Variants in C17orf58 observed in about 807,000 individuals in gnomAD.
The protein encoded by C17orf58 is chromosome 17 open reading frame 58.
In C17orf58, 5 loss-of-function variants were observed where a neutral mutation model predicts 7.4. The ratio of observed to expected loss-of-function variants is 0.67; its 90% CI spans 0.35 to 1.42. C17orf58 has a LOEUF of 1.42. Ranked by LOEUF, C17orf58 falls within the 40% of genes most tolerant of loss-of-function variation. The probability of loss-of-function intolerance (pLI) is 0.04; values close to 1 mark genes in which losing one functional copy is unlikely to be tolerated. For missense variants in C17orf58, 162 were observed against 174.2 expected, an observed-to-expected ratio of 0.93 and a Z score of 0.40; for synonymous variants, 60 against 70.6, an observed-to-expected ratio of 0.85 and a Z score of 0.75.
intron 3 of C17orf58, 181 bp downstream of exon 3, chr17:67,992,863 C>T (rs777605198): frequency 6.3e-7 from 1 of 1,596,786 alleles, no homozygotes; most frequent in Non-Finnish European, 8.5e-7. Context: ...AGGGTGGGGG[C>T]TGACAGGGCT....
In C17orf58 at chr17:67,993,789, C is replaced by G. The variant is rs1252378154; in HGVS notation, c.272G>C (p.Arg91Pro). The change falls in exon 2 of 4, where the codon CGG (arginine) becomes CCG (proline). Residue 91 changes from arginine (R) to proline (P), a missense_variant. Arg to Pro is a moderately radical substitution (Grantham distance 103, BLOSUM62 -2). Around this residue, in one of 3 missense-constraint regions of C17orf58, gnomAD observed 93 missense variants for 90.4 expected, o/e 1.03. Transcript: ENST00000580729. The surrounding 1 kb of genome is among the most constrained non-coding windows in gnomAD (Gnocchi z 5.1). ...PPPADNQASF[R>P]EAARAPAGPP... ...GCCAGCGGGCGCGCGTGCGGCCTCC[C>G]GGAAGCTGGCCTGGTTGTCGGCCGG... The G allele has an allele frequency of 3.2e-5, 7 of 218,516 alleles. No homozygotes were observed. Among genetic ancestry groups the G allele is most frequent in the Non-Finnish European group, 6.1e-5 (7 of 115,136 alleles). 13.5% of individuals were successfully genotyped at this position (218,516 alleles called of 1,614,324 possible). A position where few individuals can be genotyped will look rare whatever the true frequency, so the allele number is the denominator to read the frequency against.
At chr17:67,995,261 G>A (rs1411802981) in intron 1 of C17orf58, among the ~76,000 whole-genome samples, 1 of 152,194 alleles carries the variant, frequency 6.6e-6, no homozygotes. Flanking sequence ...TTGTTAAACG[G>A]TTGTGCCATG....
At position 67,992,074 on chromosome 17, in the gene C17orf58, A is replaced by G. The variant is rs781888631; in HGVS notation, c.859T>C (p.Tyr287His). The change falls in exon 4 of 4, where the codon TAC (tyrosine) becomes CAC (histidine). Residue 287 changes from tyrosine (Y) to histidine (H), a missense_variant. Tyr to His is a moderately conservative substitution (Grantham distance 83, BLOSUM62 2). Around this residue, in one of 3 missense-constraint regions of C17orf58, gnomAD observed 65 missense variants for 66.4 expected, o/e 0.98. Transcript: ENST00000580729. ...GTAGGGAGCTGCCGTCTCTTATGGT[A>G]GATGTGGCCCATCACAATATACCTG... ...GSRYIVMGHI[Y>H]HKRRQLPTAL... 13 of 1,602,222 alleles carry G rather than the reference A, an allele frequency of 8.1e-6. 1 individual carries two copies. The South Asian group carries it at 1.5e-4, about 18-fold the overall frequency.
intron 1 of C17orf58, among the ~76,000 whole-genome samples, chr17:67,995,125 A>C (rs1464858964): frequency 6.6e-6 from 1 of 152,208 alleles, no homozygotes; most frequent in African/African-American, 2.4e-5. Flanking sequence ...CAGCTCTGGC[A>C]ACACTTCATT....
rs1427149684 is a variant in C17orf58 at position 67,993,785 on chromosome 17, C to T, written c.276G>A (p.Glu92=). The T allele has an allele frequency of 4.5e-3, 937 of 208,096 alleles. 5 individuals carry two copies. The highest frequency in any genetic ancestry group is 4.6e-3 in the Non-Finnish European group (496 of 108,058). The allele number at this position is 208,096 out of a possible 1,614,324, so 12.9% of individuals were successfully genotyped here. ...GCGGGCCAGCGGGCGCGCGTGCGGC[C>T]TCCCGGAAGCTGGCCTGGTTGTCGG... is the stretch of plus-strand genomic sequence containing the variant. ...PPADNQASFR[E]AARAPAGPPG... The change falls in exon 2 of 4, where the codon GAG becomes GAA. Residue 92 remains glutamate, a synonymous_variant. Transcript: ENST00000580729. This position sits in a 1 kb window ranked among gnomAD's most constrained non-coding sequence, Gnocchi z 5.1.
intron 3 of C17orf58, among the ~76,000 whole-genome samples, chr17:67,992,567 CAAAAAAAAAA>C (rs59543001): frequency 3.8e-5 from 2 of 52,792 alleles, no homozygotes; most frequent in Middle Eastern, 0.014. Flanking sequence ...GACTCAATCT[CAAAAAAAAAA>C]AAAAAAAAAA....
Position 67,993,064 on chromosome 17 carries a change from G to A in C17orf58, c.809C>T (p.Pro270Leu), listed in dbSNP as rs2070851184. ...LALDSSSCNKPCPEFKPGSRY... is the reference protein window; with the variant it reads ...LALDSSSCNKLCPEFKPGSRY... ...AATACCAGGTTTAAACTCTGGACACGGCTTATTGCAGCTGGAGGAGTCCAG... is the reference window on the plus strand; with the variant it reads ...AATACCAGGTTTAAACTCTGGACACAGCTTATTGCAGCTGGAGGAGTCCAG... The change falls in exon 3 of 4, where the codon CCG (proline) becomes CTG (leucine). Residue 270 changes from proline (P) to leucine (L), a missense_variant. By Grantham distance (98) the Pro-to-Leu change is moderately conservative. Transcript: ENST00000580729. This position sits in a 1 kb window ranked among gnomAD's most constrained non-coding sequence, Gnocchi z 5.1. 2 of 1,614,174 alleles carry A rather than the reference G, an allele frequency of 1.2e-6. No individual in the cohort carries two copies. The highest frequency in any genetic ancestry group is 1.7e-6 in the Non-Finnish European group (2 of 1,180,026).
Position 67,993,331 on chromosome 17 carries a change from C to G in C17orf58, c.637+93G>C. 2 of 735,860 alleles carry G rather than the reference C, an allele frequency of 2.7e-6. No homozygotes were observed. Among genetic ancestry groups the G allele is most frequent in the Non-Finnish European group, 2.2e-6 (1 of 448,278 alleles). The allele number at this position is 735,860 out of a possible 1,614,324, so 45.6% of individuals were successfully genotyped here. On this transcript the variant is annotated intron_variant, in intron 2 of 3. Coordinates refer to ENST00000580729, the MANE Select transcript of C17orf58 (RefSeq NM_001382359.1). This position sits in a 1 kb window ranked among gnomAD's most constrained non-coding sequence, Gnocchi z 5.1. The stretch of plus-strand genomic sequence containing the variant: ...TTTAGCAACCGCGAAACGGCCCGCA[C>G]GGGTCAGGCGCCCTGGGATCTCGCG...
intron 3 of C17orf58, chr17:67,992,771 G>C: frequency 1.7e-6 from 2 of 1,186,990 alleles, no homozygotes; most frequent in Non-Finnish European, 2.3e-6. Flanking sequence ...TTCTGGCAAT[G>C]GTGTTTGGTC....
At chr17:67,992,291 G>A (rs1274313407) in intron 3 of C17orf58, among the ~76,000 whole-genome samples, 188 bp from the exon 4 acceptor site, 1 of 152,136 alleles carries the variant, frequency 6.6e-6, no homozygotes, top group Non-Finnish European at 1.5e-5. Context: ...CAACCAGGCC[G>A]GTGTGGTGGC....
At chr17:67,992,133 T>C (rs373305107) in intron 3 of C17orf58, 30 bp from the exon 4 acceptor site, 12 of 1,509,170 alleles carry the variant, frequency 8.0e-6, no homozygotes, top group African/African-American at 2.8e-5. Flanking sequence ...CATTAATTCA[T>C]AGTGTCTTTT....
chr17:67,993,186 C>G lies in C17orf58; in HGVS notation c.687G>C (p.Arg229=). The G allele has an allele frequency of 1.2e-6, 2 of 1,611,336 alleles. No individual in the cohort carries two copies. The highest frequency in any genetic ancestry group is 2.7e-5 in the African/African-American group (2 of 74,998). ...HDVDVLGAGI[R]LVTLLVDRDG... ...CCCGATCCACCAGCAGGGTCACCAG[C>G]CGGATGCCCGCGCCCAGCACGTCCA... The change falls in exon 3 of 4, where the codon CGG becomes CGC. Residue 229 remains arginine, a synonymous_variant. Coordinates refer to ENST00000580729, the MANE Select transcript of C17orf58 (RefSeq NM_001382359.1). This position sits in a 1 kb window ranked among gnomAD's most constrained non-coding sequence, Gnocchi z 5.1.
chr17:67,995,269 A>G (rs1440331353), intron 1 of C17orf58, among the ~76,000 whole-genome samples: 2 of 152,232 alleles, frequency 1.3e-5, no homozygotes, highest in Non-Finnish European at 2.9e-5. Flanking sequence ...CGGTTGTGCC[A>G]TGCACAGCTG....
chr17:67,996,037 G>A lies in C17orf58; in HGVS notation c.76+86C>T, dbSNP rs1347630608. ...CTTGCGAGCTCTGACCCCCCTCCTC[G>A]TCCCACGTTTCACTGAGCCTCCTTC... On this transcript the variant is annotated intron_variant, in intron 1 of 3. Coordinates refer to ENST00000580729, the MANE Select transcript of C17orf58 (RefSeq NM_001382359.1). 7.5e-6 allele frequency: 3 copies of A among 398,208 alleles called. No homozygotes were observed. In the South Asian group the frequency reaches 3.9e-4, roughly 52 times the overall value. 24.7% of individuals were successfully genotyped at this position (398,208 alleles called of 1,614,324 possible). A position where few individuals can be genotyped will look rare whatever the true frequency, so the allele number is the denominator to read the frequency against.
In C17orf58 at chr17:67,992,554, C is replaced by T. The variant is rs561908169; in HGVS notation, c.830-451G>A. Among the ~76,000 whole-genome samples the T allele has an allele frequency of 1.6e-3, 166 of 100,728 alleles. 1 individual carries two copies. The Middle Eastern group carries it at 0.035, about 21-fold the overall frequency. The allele number at this position is 100,728 out of a possible 152,430, so 66.1% of individuals were successfully genotyped here. A position where few individuals can be genotyped will look rare whatever the true frequency, so the allele number is the denominator to read the frequency against. The stretch of plus-strand genomic sequence containing the variant: ...CTGCACTCCAGCCTGGGCGACAGGG[C>T]AAGACTCAATCTCAAAAAAAAAAAA... On this transcript the variant is annotated intron_variant, in intron 3 of 3. Coordinates refer to ENST00000580729, the MANE Select transcript of C17orf58 (RefSeq NM_001382359.1).
intron 3 of C17orf58, among the ~76,000 whole-genome samples, chr17:67,992,428 C>T (rs1555699337): frequency 1.3e-5 from 2 of 151,854 alleles, no homozygotes; most frequent in African/African-American, 4.8e-5. Context: ...ATTGGCAGGG[C>T]GTGGTGGCGC....
At chr17:67,994,537 A>ATATATATATATATATATATATAT (rs1555699628) in intron 1 of C17orf58, among the ~76,000 whole-genome samples, 1 of 39,958 alleles carries the variant, frequency 2.5e-5, no homozygotes, top group Admixed American at 2.7e-4. Flanking sequence ...TATATATATA[A>ATATATATATATATATATATATAT]AACATATATA....
intron 3 of C17orf58, 184 bp downstream of exon 3, chr17:67,992,860 G>T: frequency 6.3e-7 from 1 of 1,594,020 alleles, no homozygotes; most frequent in Non-Finnish European, 8.6e-7. Flanking sequence ...TTGAGGGTGG[G>T]GGCTGACAGG....
At position 67,993,368 on chromosome 17, in the gene C17orf58, C is replaced by T. The variant is rs1207731536; in HGVS notation, c.637+56G>A. ...CCTGGGATCTCGCGGGCGGATTCTC[C>T]GGGGCTCGGAAAGGCTCGCGGGGCG... On this transcript the variant is annotated intron_variant, in intron 2 of 3. Coordinates refer to ENST00000580729, the MANE Select transcript of C17orf58 (RefSeq NM_001382359.1). The surrounding 1 kb of genome is among the most constrained non-coding windows in gnomAD (Gnocchi z 5.1). 4.8e-6 allele frequency: 3 copies of T among 630,892 alleles called. No homozygotes were observed. In the African/African-American group the frequency reaches 5.6e-5, roughly 12 times the overall value. 39.1% of individuals were successfully genotyped at this position (630,892 alleles called of 1,614,324 possible).
Sources: gnomAD v4.1 joint callset for allele counts (sites outside exome capture counted in the v4.1 genomes callset) on GRCh38, gnomAD v4.1.1 for gene constraint, gnomAD v4.1.1 regional missense constraint, Gnocchi (gnomAD v3.1) non-coding constraint, MANE v1.5 for transcripts, NCBI Gene and HGNC (gene_info 2026-07-23, HGNC 2026-07-21) for gene names.